COLGALT2: variants seen among roughly 807,000 people sequenced by gnomAD.
The protein encoded by COLGALT2 is procollagen galactosyltransferase 2.
A neutral mutation model predicts 73.4 loss-of-function variants in COLGALT2; 49 were observed. That is an observed-to-expected ratio of 0.67 (90% confidence interval 0.53 to 0.85). COLGALT2 has a LOEUF of 0.85. Ranked by LOEUF, COLGALT2 falls within the 40% of genes least tolerant of loss-of-function variation. The probability of loss-of-function intolerance (pLI) is 0.00; values close to 1 mark genes in which losing one functional copy is unlikely to be tolerated. For synonymous variants in COLGALT2, 295 were observed against 307.6 expected (o/e 0.96, Z 0.43); for missense variants, 722 against 790.2 (o/e 0.91, Z 1.03).
intron 1 of COLGALT2, among the ~76,000 whole-genome samples, chr1:183,992,526 A>G (rs941662021): frequency 6.6e-6 from 1 of 152,196 alleles, no homozygotes; most frequent in African/African-American, 2.4e-5. Context: ...AAGCACTCAT[A>G]ATTTTCAATG....
intron 7 of COLGALT2, among the ~76,000 whole-genome samples, chr1:183,954,278 T>TA (rs1488001313): frequency 1.3e-5 from 2 of 151,800 alleles, no homozygotes; most frequent in Non-Finnish European, 2.9e-5. Flanking sequence ...AAATATGTTT[T>TA]TTTTTCTTTC....
rs576352668 is a variant in COLGALT2 at position 184,037,082 on chromosome 1, C to T, written c.263+13G>A. 2 of 1,548,478 alleles carry T rather than the reference C, an allele frequency of 1.3e-6. No homozygotes were observed. The highest frequency in any genetic ancestry group is 1.7e-6 in the Non-Finnish European group (2 of 1,153,658). ...CGTCCCGCCGCGGCGGCCCGGGGCC[C>T]GTGCGCGCTCACCAGATGGCCATCC... On this transcript the variant is annotated intron_variant, in intron 1 of 11. Coordinates refer to ENST00000361927, the MANE Select transcript of COLGALT2 (RefSeq NM_015101.4).
intron 1 of COLGALT2, among the ~76,000 whole-genome samples, chr1:184,021,366 T>C (rs894805946): frequency 2.0e-5 from 3 of 152,136 alleles, no homozygotes; most frequent in Non-Finnish European, 2.9e-5. Flanking sequence ...TGTGGTAACG[T>C]TGGGAGGTGG....
At chr1:183,959,708 G>A (rs1670645376) in intron 6 of COLGALT2, among the ~76,000 whole-genome samples, 1 of 151,888 alleles carries the variant, frequency 6.6e-6, no homozygotes, top group Non-Finnish European at 1.5e-5. Flanking sequence ...GTCACTTCAG[G>A]CCATGCCCCC....
chr1:183,988,998 A>G (rs1671562684), intron 1 of COLGALT2, among the ~76,000 whole-genome samples: 1 of 152,202 alleles, frequency 6.6e-6, no homozygotes, highest in African/African-American at 2.4e-5. Flanking sequence ...TCCTTTAAGT[A>G]TTATTATCCC....
intron 1 of COLGALT2, among the ~76,000 whole-genome samples, chr1:183,996,093 C>T (rs903273565): frequency 6.6e-6 from 1 of 152,152 alleles, no homozygotes; most frequent in Non-Finnish European, 1.5e-5. Flanking sequence ...GTTTGACCTC[C>T]AATGCCTTGT....
chr1:183,975,119 T>A lies in COLGALT2; in HGVS notation c.470A>T (p.Glu157Val), dbSNP rs1293826213. ...TACCAGAATGTAGTCTGACCATTTTTCCCTCGCAGTTCGAAGGGCTGCCTG... is the reference window on the plus strand; with the variant it reads ...TACCAGAATGTAGTCTGACCATTTTACCCTCGCAGTTCGAAGGGCTGCCTG... ...LRQAALRTAREKWSDYILFID... is the reference protein window; with the variant it reads ...LRQAALRTARVKWSDYILFID... The change falls in exon 3 of 12, where the codon GAA (glutamate) becomes GTA (valine). Residue 157 changes from glutamate to valine, a missense_variant. Transcript: ENST00000361927. 1 of 1,613,830 alleles carries A rather than the reference T, an allele frequency of 6.2e-7. No individual in the cohort carries two copies. The highest frequency in any genetic ancestry group is 8.5e-7 in the Non-Finnish European group (1 of 1,179,718).
intron 1 of COLGALT2, among the ~76,000 whole-genome samples, chr1:184,035,723 CACA>C (rs1268797006): frequency 1.3e-5 from 2 of 152,102 alleles, no homozygotes; most frequent in African/African-American, 4.8e-5. Context: ...TTAAAAAAAA[CACA>C]ACAACTAAGG....
intron 10 of COLGALT2, among the ~76,000 whole-genome samples, chr1:183,942,190 C>T (rs1670133925): frequency 6.6e-6 from 1 of 152,014 alleles, no homozygotes; most frequent in South Asian, 2.1e-4. Flanking sequence ...CCTCGTGATC[C>T]ACCCGCCTCG....
chr1:183,993,642 T>A (rs988660654), intron 1 of COLGALT2, among the ~76,000 whole-genome samples: 1 of 152,154 alleles, frequency 6.6e-6, no homozygotes, highest in African/African-American at 2.4e-5. Context: ...TCAGGCCATG[T>A]CTAAGGCATA....
intron 4 of COLGALT2, 95 bp downstream of exon 4, chr1:183,973,521 G>T: frequency 6.8e-7 from 1 of 1,473,244 alleles, no homozygotes. Context: ...CATGTTTCAA[G>T]GGAGTAAACA....
chr1:183,994,026 C>CTTTTTTT (rs869129633), intron 1 of COLGALT2, among the ~76,000 whole-genome samples: 22 of 70,040 alleles, frequency 3.1e-4, no homozygotes, highest in Non-Finnish European at 4.6e-4. Context: ...TCTTGTAATT[C>CTTTTTTT]TTTTTTTTTT....
At position 183,960,552 on chromosome 1, in the gene COLGALT2, A is replaced by G. The variant is rs41348752; in HGVS notation, c.952+3349T>C. On this transcript the variant is annotated intron_variant, in intron 6 of 11. Transcript: ENST00000361927. Reference sequence around the variant, plus strand: ...TATTAAATCATACATACCTGAAAACAGAGAATTGATCATAAAATGTTTTGA... The same window carrying G: ...TATTAAATCATACATACCTGAAAACGGAGAATTGATCATAAAATGTTTTGA... Among the ~76,000 whole-genome samples the G allele has an allele frequency of 2.1e-3, 318 of 152,342 alleles. 1 individual carries two copies. Among genetic ancestry groups the G allele is most frequent in the African/African-American group, 7.1e-3 (296 of 41,576 alleles).
intron 6 of COLGALT2, among the ~76,000 whole-genome samples, chr1:183,959,842 C>T (rs1453336425): frequency 6.6e-6 from 1 of 152,136 alleles, no homozygotes; most frequent in Non-Finnish European, 1.5e-5. Context: ...TCTCCCTTGA[C>T]CCAACTCATT....
chr1:183,933,998 A>G (rs1430288672), downstream of COLGALT2, among the ~76,000 whole-genome samples: 1 of 152,212 alleles, frequency 6.6e-6, no homozygotes, highest in Admixed American at 6.5e-5. Context: ...GAGGCTACTG[A>G]ACAAAGATCA....
At chr1:183,983,373 A>G (rs1191535947) in intron 1 of COLGALT2, among the ~76,000 whole-genome samples, 1 of 152,200 alleles carries the variant, frequency 6.6e-6, no homozygotes, top group Non-Finnish European at 1.5e-5. Flanking sequence ...AATGTCAAAA[A>G]AGGCAAAAAC....
chr1:184,002,930 C>G (rs1671970955), intron 1 of COLGALT2, among the ~76,000 whole-genome samples: 1 of 151,650 alleles, frequency 6.6e-6, no homozygotes, highest in South Asian at 2.1e-4. Flanking sequence ...TATCAAAAGA[C>G]TGTGATATCA....
intron 9 of COLGALT2, 72 bp from the exon 10 acceptor site, chr1:183,944,395 T>C (rs1174022652): frequency 1.8e-5 from 28 of 1,528,790 alleles, no homozygotes; most frequent in Non-Finnish European, 2.5e-5. Context: ...TAAATAAGTA[T>C]TAAAAAGTCA....
At chr1:184,033,835 T>G (rs967429293) in intron 1 of COLGALT2, among the ~76,000 whole-genome samples, 4 of 152,038 alleles carry the variant, frequency 2.6e-5, no homozygotes, top group Non-Finnish European at 5.9e-5. Flanking sequence ...ATGAGAAGAG[T>G]GAGTCTGCAC....
Sources: gnomAD v4.1 joint callset for allele counts (sites outside exome capture counted in the v4.1 genomes callset) on GRCh38, gnomAD v4.1.1 for gene constraint, MANE v1.5 for transcripts, NCBI Gene and HGNC (gene_info 2026-07-23, HGNC 2026-07-21) for gene names.